KIF6: variants seen among roughly 807,000 people sequenced by gnomAD.
The protein encoded by KIF6 is kinesin family member 6, also known as kinesin-like protein KIF6.
KIF6 carries 106 observed loss-of-function variants against 112.7 expected under a neutral mutation model. That is an observed-to-expected ratio of 0.94 (90% CI 0.80 to 1.11). KIF6 has a LOEUF of 1.11. KIF6 is among the 50% of genes least tolerant of loss of function. The pLI is 0.00. For synonymous variants in KIF6, 339 were observed against 339.9 expected (o/e 1.00, Z 0.03); for missense variants, 929 against 964.0 (o/e 0.96, Z 0.48).
At chr6:39,723,947 T>TC (rs1345615071) in intron 1 of KIF6, among the ~76,000 whole-genome samples, 2 of 152,120 alleles carry the variant, frequency 1.3e-5, no homozygotes, top group East Asian at 3.9e-4. Flanking sequence ...GCTATGCCAC[T>TC]CCCCAGCTGG....
intron 9 of KIF6, among the ~76,000 whole-genome samples, chr6:39,581,451 C>T (rs984703832): frequency 8.6e-5 from 13 of 151,920 alleles, no homozygotes; most frequent in African/African-American, 1.7e-4. Flanking sequence ...CCACTGCGCC[C>T]GGCCCGCTTT....
At chr6:39,611,295 T>A (rs551459628) in intron 6 of KIF6, among the ~76,000 whole-genome samples, 4 of 151,958 alleles carry the variant, frequency 2.6e-5, no homozygotes, top group African/African-American at 7.2e-5. Context: ...GGCAACAGAG[T>A]GAGACTGTCT....
intron 16 of KIF6, among the ~76,000 whole-genome samples, chr6:39,381,078 TCACATTACCA>T (rs1766891878): frequency 6.6e-6 from 1 of 152,176 alleles, no homozygotes; most frequent in African/African-American, 2.4e-5. Flanking sequence ...ATGGTGCCTC[TCACATTACCA>T]CTAAATCTTT....
chr6:39,548,371 G>C (rs1010607526), intron 10 of KIF6, among the ~76,000 whole-genome samples: 3 of 152,172 alleles, frequency 2.0e-5, no homozygotes, highest in Non-Finnish European at 4.4e-5. Context: ...GAGGACCAGG[G>C]ACATGATCCA....
At chr6:39,419,807 G>A (rs564688889) in intron 15 of KIF6, 141 bp downstream of exon 15, 4 of 778,088 alleles carry the variant, frequency 5.1e-6, no homozygotes, top group South Asian at 4.2e-5. Flanking sequence ...CCTAGGGAAG[G>A]CTCTCAAAGC....
At chr6:39,430,395 T>G (rs1414575560) in intron 14 of KIF6, among the ~76,000 whole-genome samples, 1 of 152,194 alleles carries the variant, frequency 6.6e-6, no homozygotes, top group Non-Finnish European at 1.5e-5. Flanking sequence ...TCATGTGACA[T>G]ATGAGAGTTC....
chr6:39,584,061 T>C (rs1781461497), intron 9 of KIF6, among the ~76,000 whole-genome samples: 1 of 151,966 alleles, frequency 6.6e-6, no homozygotes. Context: ...ACAGAACAAG[T>C]ATGTAAAATA....
chr6:39,548,924 T>C (rs1205246908), intron 10 of KIF6, among the ~76,000 whole-genome samples: 1 of 152,158 alleles, frequency 6.6e-6, no homozygotes, highest in African/African-American at 2.4e-5. Context: ...AAAAGAATCC[T>C]AGGGGAAAGA....
intron 7 of KIF6, among the ~76,000 whole-genome samples, chr6:39,593,291 T>A (rs1183589943): frequency 2.0e-5 from 3 of 152,220 alleles, no homozygotes; most frequent in East Asian, 3.9e-4. Context: ...AGAAATTGAT[T>A]AACAAAAGTC....
intron 17 of KIF6, 112 bp from the exon 18 acceptor site, chr6:39,360,642 G>T: frequency 8.0e-7 from 1 of 1,247,990 alleles, no homozygotes; most frequent in African/African-American, 1.5e-5. Flanking sequence ...GAGCTGCCCT[G>T]GTGCTCAGGG....
At chr6:39,471,868 A>G (rs1774134203) in intron 13 of KIF6, among the ~76,000 whole-genome samples, 1 of 152,228 alleles carries the variant, frequency 6.6e-6, no homozygotes. Context: ...GGAATAGAGT[A>G]AATTGTAAAT....
intron 1 of KIF6, among the ~76,000 whole-genome samples, chr6:39,721,744 G>A (rs371944871): frequency 9.1e-4 from 135 of 148,854 alleles, no homozygotes; most frequent in African/African-American, 2.8e-3. Flanking sequence ...GGGATCAAAT[G>A]ATGTAATGGA....
Position 39,343,764 on chromosome 6 carries a change from C to T in KIF6, c.2373G>A (p.Thr791=), listed in dbSNP as rs775564797. The T allele has an allele frequency of 1.9e-5, 31 of 1,612,930 alleles. No individual in the cohort carries two copies. Among genetic ancestry groups the T allele is most frequent in the Admixed American group, 1.2e-4 (7 of 59,756 alleles). Residue 791 remains threonine (T), a synonymous_variant, in exon 22 of 23, where the codon ACG becomes ACA. Coordinates refer to ENST00000287152, the MANE Select transcript of KIF6 (RefSeq NM_145027.6). The surrounding 1 kb of genome is among the most constrained non-coding windows in gnomAD (Gnocchi z 4.1). ...TGATGAAGGCGATGATGTCCGAGTC[C>T]GTCTGGCTGTCTCCGGTGAGAGGGA... The part of the protein sequence containing the change: ...SSIPLTGDSQ[T]DSDIIAFIKA...
chr6:39,677,299 T>C (rs960591654), intron 3 of KIF6, among the ~76,000 whole-genome samples: 3 of 151,970 alleles, frequency 2.0e-5, no homozygotes, highest in East Asian at 1.9e-4. Flanking sequence ...CCTCCAAATA[T>C]ATAAGGCATA....
intron 3 of KIF6, among the ~76,000 whole-genome samples, chr6:39,679,709 G>A (rs1787393420): frequency 6.7e-6 from 1 of 150,234 alleles, no homozygotes; most frequent in African/African-American, 2.5e-5. Flanking sequence ...TCCACCTCCT[G>A]GGTTCAAGCA....
chr6:39,579,428 T>G (rs1238817335), intron 9 of KIF6, among the ~76,000 whole-genome samples: 4 of 152,200 alleles, frequency 2.6e-5, no homozygotes, highest in Admixed American at 6.5e-5. Context: ...TACTTGTTTT[T>G]CCTTTCCTTA....
At chr6:39,618,289 T>C (rs183286017) in intron 5 of KIF6, among the ~76,000 whole-genome samples, 21 of 152,326 alleles carry the variant, frequency 1.4e-4, no homozygotes, top group African/African-American at 4.6e-4. Flanking sequence ...TTTGTAGTTT[T>C]ATCTAACATC....
chr6:39,599,885 C>T (rs546219018), intron 6 of KIF6, among the ~76,000 whole-genome samples: 200 of 152,288 alleles, frequency 1.3e-3, no homozygotes, highest in African/African-American at 4.4e-3. Flanking sequence ...ATGAGATTCA[C>T]ATAAACTAAA....
chr6:39,488,717 C>A (rs548091295), intron 13 of KIF6, among the ~76,000 whole-genome samples: 1 of 152,198 alleles, frequency 6.6e-6, no homozygotes. Flanking sequence ...CATATTCCTA[C>A]TAGAGAGAGA....
Sources: allele counts gnomAD v4.1 joint callset (sites outside exome capture counted in the v4.1 genomes callset), GRCh38; gene constraint gnomAD v4.1.1; non-coding constraint Gnocchi (gnomAD v3.1); transcripts MANE v1.5; gene names NCBI Gene and HGNC (gene_info 2026-07-23, HGNC 2026-07-21).